TGFB2: variants seen among roughly 807,000 people sequenced by gnomAD.
TGFB2 encodes the protein transforming growth factor beta 2.
Under a neutral mutation model 42.7 loss-of-function variants are expected in TGFB2, and 13 were observed. The observed-to-expected ratio is 0.30, with a 90% CI of 0.20 to 0.48. The LOEUF (loss-of-function observed/expected upper bound fraction) is 0.48, where lower values mean the gene tolerates loss of function less well. TGFB2 is among the 20% of genes least tolerant of loss of function. The pLI is 0.99. For synonymous variants in TGFB2, 193 were observed against 193.6 expected, an observed-to-expected ratio of 1.00 and a Z score of 0.03; for missense variants, 390 against 517.5, an observed-to-expected ratio of 0.75 and a Z score of 2.39.
chr1:218,386,275 C>T (rs1355553114), intron 1 of TGFB2, among the ~76,000 whole-genome samples: 1 of 152,162 alleles, frequency 6.6e-6, no homozygotes, highest in African/African-American at 2.4e-5. Flanking sequence ...TGCTGGAAAC[C>T]TCAGTCTCTT....
chr1:218,385,142 G>A lies in TGFB2; in HGVS notation c.347-20027G>A, dbSNP rs569000860. On this transcript the variant is annotated intron_variant, in intron 1 of 6. Coordinates refer to ENST00000366930, the MANE Select transcript of TGFB2 (RefSeq NM_003238.6). ...TCTTACTGGTACTTTCTGGTTGGTA[G>A]CTCTGAGCCTCAGTTTCCTTATCTG... is the stretch of plus-strand genomic sequence containing the variant. Among the ~76,000 whole-genome samples the A allele has an allele frequency of 7.2e-5, 11 of 152,250 alleles. No individual in the cohort carries two copies. The South Asian group carries it at 2.3e-3, about 32-fold the overall frequency.
chr1:218,411,546 G>A (rs1009505722), intron 2 of TGFB2, among the ~76,000 whole-genome samples: 3 of 152,114 alleles, frequency 2.0e-5, no homozygotes, highest in Admixed American at 1.3e-4. Context: ...GTGTGCAAAT[G>A]TCTAAGGTAG....
intron 1 of TGFB2, among the ~76,000 whole-genome samples, chr1:218,381,348 C>T (rs1208490228): frequency 2.0e-5 from 3 of 151,718 alleles, no homozygotes; most frequent in Non-Finnish European, 4.4e-5. Flanking sequence ...CTCCGCCTCC[C>T]GGGTTCACGC....
intron 1 of TGFB2, among the ~76,000 whole-genome samples, chr1:218,393,801 T>C (rs965017120): frequency 4.6e-5 from 7 of 152,080 alleles, no homozygotes; most frequent in African/African-American, 1.7e-4. Context: ...GATGAGGCCA[T>C]TGGGAAGGGA....
chr1:218,345,976 A>T lies in TGFB2; in HGVS notation c.-726A>T, dbSNP rs1213812025. Reference sequence around the variant, plus strand: ...CAGCAGCCTCTGCGGCCCCTGCGGCACCCGACCGAGTACCGAGCGCCCTGC... The same window carrying T: ...CAGCAGCCTCTGCGGCCCCTGCGGCTCCCGACCGAGTACCGAGCGCCCTGC... On this transcript the variant is annotated 5_prime_UTR_variant, in exon 1 of 7. Transcript: ENST00000366930. Among the ~76,000 whole-genome samples, 1 of 151,524 alleles carries T rather than the reference A, an allele frequency of 6.6e-6. No homozygotes were observed. Among genetic ancestry groups the T allele is most frequent in the African/African-American group, 2.4e-5 (1 of 41,204 alleles).
At chr1:218,360,176 C>T (rs987965027) in intron 1 of TGFB2, among the ~76,000 whole-genome samples, 2 of 152,154 alleles carry the variant, frequency 1.3e-5, no homozygotes, top group Non-Finnish European at 2.9e-5. Context: ...GCTCCAGAAA[C>T]CTGCATCTTG....
chr1:218,363,509 C>G lies in TGFB2; in HGVS notation c.346+16462C>G, dbSNP rs569730247. 2.6e-4 allele frequency: 338 copies of G among 1,284,686 alleles called. 7 individuals are homozygous for G. Among genetic ancestry groups the G allele is most frequent in the South Asian group, 2.2e-3 (174 of 80,218 alleles). The allele number at this position is 1,284,686 out of a possible 1,614,324, so 79.6% of individuals were successfully genotyped here. A position where few individuals can be genotyped will look rare whatever the true frequency, so the allele number is the denominator to read the frequency against. On this transcript the variant is annotated intron_variant, in intron 1 of 6. Transcript: ENST00000366930. ...TCTCCTGTGGGGAACTTGCCAGAGG[C>G]AAGATGAGATTCTGAAATGCAGCCT...
At chr1:218,368,317 A>G (rs1293726804) in intron 1 of TGFB2, among the ~76,000 whole-genome samples, 2 of 151,584 alleles carry the variant, frequency 1.3e-5, no homozygotes, top group African/African-American at 4.9e-5. Flanking sequence ...GCTAATTTTT[A>G]GTAGAGACGG....
intron 1 of TGFB2, among the ~76,000 whole-genome samples, chr1:218,369,631 T>C (rs1027913254): frequency 2.0e-5 from 3 of 152,228 alleles, no homozygotes; most frequent in African/African-American, 7.2e-5. Context: ...GAATGGCAGC[T>C]ACTGGAGTTC....
chr1:218,378,108 T>C (rs573910076), intron 1 of TGFB2, among the ~76,000 whole-genome samples: 1 of 152,170 alleles, frequency 6.6e-6, no homozygotes, highest in South Asian at 2.1e-4. Context: ...CCTGAGTAGC[T>C]GGGATTACAG....
intron 1 of TGFB2, among the ~76,000 whole-genome samples, chr1:218,394,942 GTCTTGCCACAC>G (rs1375951698): frequency 2.0e-5 from 3 of 152,072 alleles, no homozygotes; most frequent in African/African-American, 7.2e-5. Flanking sequence ...TGGGTTGCTT[GTCTTGCCACAC>G]TCTGGGGAAT....
chr1:218,419,039 CTG>C (rs2102609960), intron 2 of TGFB2, among the ~76,000 whole-genome samples: 1 of 152,280 alleles, frequency 6.6e-6, no homozygotes, highest in South Asian at 2.1e-4. Flanking sequence ...AAAGTGATTC[CTG>C]ATAAAATATT....
At chr1:218,374,482 G>T (rs1657678240) in intron 1 of TGFB2, among the ~76,000 whole-genome samples, 1 of 152,168 alleles carries the variant, frequency 6.6e-6, no homozygotes, top group African/African-American at 2.4e-5. Flanking sequence ...TTCTCCACGG[G>T]GCCCCCGTGG....
At chr1:218,355,395 A>T (rs1657000451) in intron 1 of TGFB2, among the ~76,000 whole-genome samples, 1 of 152,222 alleles carries the variant, frequency 6.6e-6, no homozygotes, top group Non-Finnish European at 1.5e-5. Flanking sequence ...TACCAAAGGA[A>T]TCTCAAAGGC....
intron 2 of TGFB2, among the ~76,000 whole-genome samples, chr1:218,414,797 A>G (rs1245908427): frequency 1.3e-5 from 1 of 79,478 alleles, no homozygotes; most frequent in Non-Finnish European, 2.7e-5. Flanking sequence ...TCGCTAATAC[A>G]TGCAGTGATT....
chr1:218,425,249 G>C (rs148310385), intron 2 of TGFB2, among the ~76,000 whole-genome samples: 72 of 152,044 alleles, frequency 4.7e-4, no homozygotes, highest in African/African-American at 1.6e-3. Flanking sequence ...GCTCCATCAC[G>C]GAGGCTGGAG....
At chr1:218,350,962 A>G (rs11581605) in intron 1 of TGFB2, among the ~76,000 whole-genome samples, 37,616 of 152,202 alleles carry the variant, frequency 0.25, 4,693 homozygotes, top group South Asian at 0.34. Flanking sequence ...TAGATACACT[A>G]AAAATATACA....
At chr1:218,375,029 A>T (rs1004900185) in intron 1 of TGFB2, among the ~76,000 whole-genome samples, 3 of 152,168 alleles carry the variant, frequency 2.0e-5, no homozygotes, top group African/African-American at 7.2e-5. Context: ...TAAACAGTTC[A>T]AAAAAAGATT....
chr1:218,371,722 A>G (rs1657576783), intron 1 of TGFB2, among the ~76,000 whole-genome samples: 1 of 152,216 alleles, frequency 6.6e-6, no homozygotes, highest in Non-Finnish European at 1.5e-5. Context: ...GATGTTGTCC[A>G]CAATAAGAAT....
Sources: gnomAD v4.1 joint callset for allele counts (sites outside exome capture counted in the v4.1 genomes callset) on GRCh38, gnomAD v4.1.1 for gene constraint, MANE v1.5 for transcripts, NCBI Gene and HGNC (gene_info 2026-07-23, HGNC 2026-07-21) for gene names.